Variants in ABCA3 observed in about 807,000 individuals in gnomAD.
The protein encoded by ABCA3 is ATP binding cassette subfamily A member 3.
A neutral mutation model predicts 172.8 loss-of-function variants in ABCA3; 88 were observed. The observed-to-expected ratio is 0.51, with a 90% CI of 0.43 to 0.61. The LOEUF is 0.61. ABCA3 is among the 20% of genes least tolerant of loss of function. The probability of loss-of-function intolerance (pLI) is 0.00; values close to 1 mark genes in which losing one functional copy is unlikely to be tolerated. For synonymous variants in ABCA3, 1,066 were observed against 983.8 expected (o/e 1.08, Z -1.56); for missense variants, 2,164 against 2,301.0 (o/e 0.94, Z 1.22).
At chr16:2,280,960 T>C in intron 28 of ABCA3, 67 bp downstream of exon 28, 2 of 1,603,160 alleles carry the variant, frequency 1.2e-6, no homozygotes, top group Non-Finnish European at 1.7e-6. Flanking sequence ...CCTCTGTCCC[T>C]GCCTCCAGGG....
In ABCA3 at chr16:2,277,052, T is replaced by G. The variant is rs1190350820; in HGVS notation, c.4984-247A>C. On this transcript the variant is annotated intron_variant, in intron 32 of 32. Coordinates refer to ENST00000301732, the MANE Select transcript of ABCA3 (RefSeq NM_001089.3). The surrounding 1 kb of genome is among the most constrained non-coding windows in gnomAD (Gnocchi z 5.3). ...TCCCTGTGCTGTTCCCAGCTCAGATTACAACCTTGAGCCAGTGATGTTCCC... is the reference window on the plus strand; with the variant it reads ...TCCCTGTGCTGTTCCCAGCTCAGATGACAACCTTGAGCCAGTGATGTTCCC... 6.6e-6 allele frequency among the ~76,000 whole-genome samples: 1 copy of G among 152,208 alleles called. No homozygotes were observed. Among genetic ancestry groups the G allele is most frequent in the East Asian group, 1.9e-4 (1 of 5,192 alleles).
At position 2,277,281 on chromosome 16, in the gene ABCA3, C is replaced by T. The variant is rs929288084; in HGVS notation, c.4983+316G>A. ...CTAATTTTTAAATTTTTTGTAGAGA[C>T]GGGGTCTATGTTGCCCAGGCTGGTC... On this transcript the variant is annotated intron_variant, in intron 32 of 32. Transcript: ENST00000301732. The surrounding 1 kb of genome is among the most constrained non-coding windows in gnomAD (Gnocchi z 5.3). Among the ~76,000 whole-genome samples, 8 of 151,914 alleles carry T rather than the reference C, an allele frequency of 5.3e-5. No individual in the cohort carries two copies. Among genetic ancestry groups the T allele is most frequent in the South Asian group, 4.1e-4 (2 of 4,820 alleles).
Position 2,283,455 on chromosome 16 carries a change from C to T in ABCA3, c.3863-97G>A, listed in dbSNP as rs1596831452. 13 of 1,411,656 alleles carry T rather than the reference C, an allele frequency of 9.2e-6. No homozygotes were observed. Among genetic ancestry groups the T allele is most frequent in the African/African-American group, 2.9e-5 (2 of 69,952 alleles). 87.4% of individuals were successfully genotyped at this position (1,411,656 alleles called of 1,614,324 possible). ...ACTCCCCTCCCCAGGCTGCTCAAGG[C>T]GCCTGTAACAATGTCCCCTCCATGG... On this transcript the variant is annotated intron_variant, in intron 25 of 32. Coordinates refer to ENST00000301732, the MANE Select transcript of ABCA3 (RefSeq NM_001089.3). This position sits in a 1 kb window ranked among gnomAD's most constrained non-coding sequence, Gnocchi z 5.4.
intron 1 of ABCA3, among the ~76,000 whole-genome samples, chr16:2,331,208 T>C (rs2093742633): frequency 6.6e-6 from 1 of 151,842 alleles, no homozygotes; most frequent in South Asian, 2.1e-4. Flanking sequence ...AGAAGTTTTC[T>C]TTTCTTTTCT....
chr16:2,321,684 C>A (rs1386530171), intron 7 of ABCA3, among the ~76,000 whole-genome samples: 1 of 152,084 alleles, frequency 6.6e-6, no homozygotes, highest in African/African-American at 2.4e-5. Context: ...AGGAGGCACA[C>A]GTACCAACCA....
chr16:2,339,952 GC>G (rs1424991776), intron 1 of ABCA3, among the ~76,000 whole-genome samples: 1 of 152,256 alleles, frequency 6.6e-6, no homozygotes, highest in Non-Finnish European at 1.5e-5. Context: ...ACTGCCACAA[GC>G]CCCTCCGCCT....
intron 4 of ABCA3, 50 bp from the exon 5 acceptor site, chr16:2,326,324 G>T: frequency 6.2e-7 from 1 of 1,611,358 alleles, no homozygotes; most frequent in Non-Finnish European, 8.5e-7. Flanking sequence ...GCAGAAGCAG[G>T]GGCATGCAGA....
chr16:2,288,391 C>T lies in ABCA3; in HGVS notation c.2701-62G>A, dbSNP rs1440348372. 6 of 1,510,146 alleles carry T rather than the reference C, an allele frequency of 4.0e-6. No individual in the cohort carries two copies. In the African/African-American group the frequency reaches 8.3e-5, roughly 21 times the overall value. 93.5% of individuals were successfully genotyped at this position (1,510,146 alleles called of 1,614,324 possible). ...TTGGGGCCCAGCGCCTGACCCCCAC[C>T]CACCTGCGGCAGGTGCTGTTCTGTG... On this transcript the variant is annotated intron_variant, in intron 20 of 32. Transcript: ENST00000301732.
intron 12 of ABCA3, among the ~76,000 whole-genome samples, chr16:2,303,675 G>A (rs562240120): frequency 6.6e-6 from 1 of 152,340 alleles, no homozygotes; most frequent in East Asian, 1.9e-4. Flanking sequence ...GGGCAGCAGA[G>A]GCTGCGTGCG....
rs985456388 is a variant in ABCA3, at chr16:2,281,850, G to A, written c.4036-341C>T. Among the ~76,000 whole-genome samples the A allele has an allele frequency of 1.3e-5, 2 of 151,656 alleles. No individual in the cohort carries two copies. Among genetic ancestry groups the A allele is most frequent in the Admixed American group, 6.6e-5 (1 of 15,228 alleles). On this transcript the variant is annotated intron_variant, in intron 26 of 32. Coordinates refer to ENST00000301732, the MANE Select transcript of ABCA3 (RefSeq NM_001089.3). This position sits in a 1 kb window ranked among gnomAD's most constrained non-coding sequence, Gnocchi z 4.7. ...GACAGAGTCTCACTCTGTTGTCCAGGCTGGAGTGCAGTGGCGCAATCTCAG... is the reference window on the plus strand; with the variant it reads ...GACAGAGTCTCACTCTGTTGTCCAGACTGGAGTGCAGTGGCGCAATCTCAG...
At chr16:2,323,488 G>T (rs181628199) in intron 7 of ABCA3, 35 bp downstream of exon 7, 5 of 1,613,280 alleles carry the variant, frequency 3.1e-6, no homozygotes, top group Non-Finnish European at 3.4e-6. Context: ...TCAACAGCCC[G>T]GGCTGGTAAC....
In ABCA3 at chr16:2,286,646, G is replaced by A; in HGVS notation, c.3278+48C>T. On this transcript the variant is annotated intron_variant, in intron 22 of 32. Coordinates refer to ENST00000301732, the MANE Select transcript of ABCA3 (RefSeq NM_001089.3). The surrounding 1 kb of genome is among the most constrained non-coding windows in gnomAD (Gnocchi z 5.2). ...CCCGTGGCAGTGCCCAGGGCAGTCA[G>A]TCCTGGGGGCTCTGGCCAGGGCAGA... 1 of 1,610,298 alleles carries A rather than the reference G, an allele frequency of 6.2e-7. No homozygotes were observed. The highest frequency in any genetic ancestry group is 8.5e-7 in the Non-Finnish European group (1 of 1,179,142).
At chr16:2,325,050 T>C (rs906823852) in intron 5 of ABCA3, among the ~76,000 whole-genome samples, 4 of 151,888 alleles carry the variant, frequency 2.6e-5, no homozygotes, top group Admixed American at 6.6e-5. Context: ...GCCCGGGAGG[T>C]AAATGCCCAA....
chr16:2,277,853 T>C lies in ABCA3; in HGVS notation c.4909+26A>G, dbSNP rs1567335336. 3 of 1,607,480 alleles carry C rather than the reference T, an allele frequency of 1.9e-6. No homozygotes were observed. The highest frequency in any genetic ancestry group is 2.7e-5 in the African/African-American group (2 of 74,786). ...AGGTAGGGGCCCAGGGCCCACCCAG[T>C]GGGGGCTGCCGGGGCCGGCACACAC... is the stretch of plus-strand genomic sequence containing the variant. On this transcript the variant is annotated intron_variant, in intron 31 of 32. Transcript: ENST00000301732. This position sits in a 1 kb window ranked among gnomAD's most constrained non-coding sequence, Gnocchi z 5.3.
chr16:2,288,076 T>G lies in ABCA3; in HGVS notation c.2954A>C (p.His985Pro). The change falls in exon 21 of 33, where the codon CAT (histidine) becomes CCT (proline). Residue 985 changes from histidine to proline, a missense_variant. His to Pro is a moderately conservative substitution (Grantham distance 77, BLOSUM62 -2). Transcript: ENST00000301732. ...TSQLGQQLSE[H>P]LKDALQAEGQ... ...CTCAGCCTGCAGTGCGTCTTTCAGA[T>G]GCTCTGACAGCTGCTGACCCAGCTG... 6.2e-7 allele frequency: 1 copy of G among 1,613,182 alleles called. No individual in the cohort carries two copies. The highest frequency in any genetic ancestry group is 8.5e-7 in the Non-Finnish European group (1 of 1,180,016).
chr16:2,297,244 G>C lies in ABCA3; in HGVS notation c.2263+85C>G. Reference sequence around the variant, plus strand: ...AGAAAAGGCCACCCCTGCCTGATCTGAGGGCCCTTCATGAAGGTAGCAGCC... The same window carrying C: ...AGAAAAGGCCACCCCTGCCTGATCTCAGGGCCCTTCATGAAGGTAGCAGCC... On this transcript the variant is annotated intron_variant, in intron 17 of 32. Coordinates refer to ENST00000301732, the MANE Select transcript of ABCA3 (RefSeq NM_001089.3). This position sits in a 1 kb window ranked among gnomAD's most constrained non-coding sequence, Gnocchi z 5.6. The C allele has an allele frequency of 6.8e-7, 1 of 1,478,676 alleles. No individual in the cohort carries two copies. Among genetic ancestry groups the C allele is most frequent in the Non-Finnish European group, 9.3e-7 (1 of 1,079,322 alleles). 91.6% of individuals were successfully genotyped at this position (1,478,676 alleles called of 1,614,324 possible).
chr16:2,335,821 C>A (rs2093750853), intron 1 of ABCA3, among the ~76,000 whole-genome samples: 1 of 152,180 alleles, frequency 6.6e-6, no homozygotes, highest in Non-Finnish European at 1.5e-5. Flanking sequence ...GAAAGCTTTA[C>A]AATGCTTCGC....
At position 2,300,157 on chromosome 16, in the gene ABCA3, GA is replaced by G; in HGVS notation, c.1468-10del. The G allele has an allele frequency of 6.2e-7, 1 of 1,613,252 alleles. No homozygotes were observed. The highest frequency in any genetic ancestry group is 8.5e-7 in the Non-Finnish European group (1 of 1,179,916). ...CCACACCAATAGGAGGGCTGGGAGGGAAGCAGACAGCTGTCAGTTTGTTTTG... is the reference window on the plus strand; with the variant it reads ...CCACACCAATAGGAGGGCTGGGAGGGAGCAGACAGCTGTCAGTTTGTTTTG... On this transcript the variant is annotated splice_polypyrimidine_tract_variant and intron_variant, in intron 12 of 32. Transcript: ENST00000301732.
intron 1 of ABCA3, among the ~76,000 whole-genome samples, chr16:2,335,498 G>C: frequency 6.6e-6 from 1 of 152,016 alleles, no homozygotes; most frequent in East Asian, 1.9e-4. Flanking sequence ...TCAAACTCCT[G>C]GGCTCAAATG....
Sources: allele counts gnomAD v4.1 joint callset (sites outside exome capture counted in the v4.1 genomes callset), GRCh38; gene constraint gnomAD v4.1.1; non-coding constraint Gnocchi (gnomAD v3.1); transcripts MANE v1.5; gene names NCBI Gene and HGNC (gene_info 2026-07-23, HGNC 2026-07-21).